The following MAF variants were observed in gnomAD, a reference collection of about 807,000 sequenced individuals.
MAF encodes the protein transcription factor Maf.
MAF carries 10 observed loss-of-function variants against 22.0 expected under a neutral mutation model. The ratio of observed to expected loss-of-function variants is 0.45; its 90% CI spans 0.28 to 0.77. MAF has a LOEUF of 0.77. Among genes scored for constraint, MAF ranks in the 30% least tolerant of loss-of-function variants. The probability of loss-of-function intolerance (pLI) is 0.12; values close to 1 mark genes in which losing one functional copy is unlikely to be tolerated. For missense variants in MAF, 544 were observed against 548.4 expected (o/e 0.99, Z 0.08); for synonymous variants, 337 against 255.8 (o/e 1.32, Z -3.03).
chr16:79,272,854 T>C, the MAF span, among the ~76,000 whole-genome samples: 1 of 152,246 alleles, frequency 6.6e-6, no homozygotes, highest in Non-Finnish European at 1.5e-5. Context: ...TGGCACCTGT[T>C]TGCCAACTCC....
the MAF span, among the ~76,000 whole-genome samples, chr16:79,481,317 G>T: frequency 6.6e-6 from 1 of 151,518 alleles, no homozygotes; most frequent in Admixed American, 6.6e-5. Flanking sequence ...AAGTTTAATG[G>T]GCTCTAAGTT....
At chr16:79,398,980 G>A in the MAF span, among the ~76,000 whole-genome samples, 1 of 152,158 alleles carries the variant, frequency 6.6e-6, no homozygotes, top group Admixed American at 6.5e-5. Flanking sequence ...ACTGGACTGT[G>A]GGTTCCAAAG....
the MAF span, among the ~76,000 whole-genome samples, chr16:79,429,851 A>G: frequency 1.6e-3 from 238 of 152,302 alleles, 3 homozygotes; most frequent in African/African-American, 4.9e-3. Context: ...TTTTCCCTCC[A>G]GCCTAACCCC....
chr16:79,319,618 G>T, the MAF span, among the ~76,000 whole-genome samples: 6 of 152,156 alleles, frequency 3.9e-5, no homozygotes, highest in Admixed American at 3.9e-4. Flanking sequence ...GGGATTCTTG[G>T]CATTTCTCTG....
the MAF span, among the ~76,000 whole-genome samples, chr16:79,502,738 T>C: frequency 1.2e-3 from 92 of 74,404 alleles, 8 homozygotes; most frequent in East Asian, 0.014. Flanking sequence ...TATATATATA[T>C]ATATATATAT....
At chr16:79,425,463 G>A in the MAF span, among the ~76,000 whole-genome samples, 4 of 152,220 alleles carry the variant, frequency 2.6e-5, no homozygotes, top group Admixed American at 6.5e-5. Flanking sequence ...GTTCAGGGCA[G>A]GAGGTTTCTC....
the MAF span, among the ~76,000 whole-genome samples, chr16:79,279,121 C>A: frequency 0.57 from 86,882 of 151,950 alleles, 25,812 homozygotes; most frequent in Admixed American, 0.68. Flanking sequence ...ATTTTATAGA[C>A]AGGAACCAGT....
At chr16:79,537,955 T>A in the MAF span, among the ~76,000 whole-genome samples, 1 of 152,138 alleles carries the variant, frequency 6.6e-6, no homozygotes, top group African/African-American at 2.4e-5. Context: ...GTAAACTGAA[T>A]CTCAAGTGGA....
the MAF span, among the ~76,000 whole-genome samples, chr16:79,311,060 C>T: frequency 6.6e-6 from 1 of 151,474 alleles, no homozygotes; most frequent in East Asian, 1.9e-4. Flanking sequence ...ATTCAAACAC[C>T]CACTCCCTCA....
the MAF span, among the ~76,000 whole-genome samples, chr16:79,533,033 G>A: frequency 2.0e-5 from 3 of 152,208 alleles, no homozygotes; most frequent in African/African-American, 4.8e-5. Flanking sequence ...TTTATACGAT[G>A]ACTAATACAG....
chr16:79,569,804 A>G, the MAF span, among the ~76,000 whole-genome samples: 1 of 152,226 alleles, frequency 6.6e-6, no homozygotes, highest in Non-Finnish European at 1.5e-5. Flanking sequence ...CAAGTGACCA[A>G]TGTTAGGAAC....
chr16:79,589,360 C>T (rs971963389), downstream of MAF, among the ~76,000 whole-genome samples: 1 of 152,128 alleles, frequency 6.6e-6, no homozygotes, highest in Non-Finnish European at 1.5e-5. Context: ...TTATAATGTG[C>T]ATCAAACTAC....
chr16:79,279,789 T>C, the MAF span, among the ~76,000 whole-genome samples: 10 of 152,300 alleles, frequency 6.6e-5, no homozygotes, highest in African/African-American at 2.2e-4. Context: ...TTCTTTTATA[T>C]ATTTTTTTAA....
At chr16:79,265,509 C>T in the MAF span, among the ~76,000 whole-genome samples, 3 of 151,856 alleles carry the variant, frequency 2.0e-5, no homozygotes, top group Non-Finnish European at 4.4e-5. Context: ...CCAGTGGACC[C>T]GATACCACAG....
the MAF span, among the ~76,000 whole-genome samples, chr16:79,381,629 A>C: frequency 6.6e-6 from 1 of 151,826 alleles, no homozygotes; most frequent in Non-Finnish European, 1.5e-5. Flanking sequence ...AATGGCTGTC[A>C]CTCTGTCTGG....
the MAF span, among the ~76,000 whole-genome samples, chr16:79,454,142 C>T: frequency 3.5e-4 from 54 of 152,116 alleles, no homozygotes; most frequent in South Asian, 2.1e-4. Context: ...GGGATGAATA[C>T]ATTAAGATTC....
chr16:79,277,161 C>T, the MAF span, among the ~76,000 whole-genome samples: 2 of 152,312 alleles, frequency 1.3e-5, no homozygotes, highest in East Asian at 3.9e-4. Context: ...CCTCAGCCTC[C>T]CAAAATGCTC....
the MAF span, among the ~76,000 whole-genome samples, chr16:79,388,763 A>G: frequency 2.0e-5 from 3 of 152,244 alleles, no homozygotes. Context: ...CATTGTGTGC[A>G]TTAGCACCAT....
At position 79,597,970 on chromosome 16, in the gene MAF, G is replaced by T. The variant is rs1018186035; in HGVS notation, c.1118+815C>A. The T allele has an allele frequency of 4.8e-6, 5 of 1,043,322 alleles. No homozygotes were observed. In the African/African-American group the frequency reaches 8.4e-5, roughly 17 times the overall value. 64.6% of individuals were successfully genotyped at this position (1,043,322 alleles called of 1,614,324 possible). ...GGCATCACAAGGCCAAAACTCACAA[G>T]TCACACCCAGAAGGTTGATGCAGGC... On this transcript the variant is annotated intron_variant, in intron 1 of 1. Coordinates refer to ENST00000326043, the MANE Select transcript of MAF (RefSeq NM_005360.5).
Sources: allele counts gnomAD v4.1 joint callset (sites outside exome capture counted in the v4.1 genomes callset), GRCh38; gene constraint gnomAD v4.1.1; transcripts MANE v1.5; gene names NCBI Gene and HGNC (gene_info 2026-07-23, HGNC 2026-07-21).